The following GPRC5B variants were observed in gnomAD, a reference collection of about 807,000 sequenced individuals.
The protein encoded by GPRC5B is G protein-coupled receptor class C group 5 member B, also known as G protein-coupled receptor family C group 5 member B.
A neutral mutation model predicts 30.1 loss-of-function variants in GPRC5B; 16 were observed. That is an observed-to-expected ratio of 0.53 (90% CI 0.36 to 0.81). The LOEUF (loss-of-function observed/expected upper bound fraction) is 0.81. Among genes scored for constraint, GPRC5B ranks in the 30% least tolerant of loss-of-function variants. The pLI is 0.01. For synonymous variants in GPRC5B, 241 were observed against 239.5 expected (o/e 1.01, Z -0.06); for missense variants, 428 against 544.7 (o/e 0.79, Z 2.13).
intron 1 of GPRC5B, among the ~76,000 whole-genome samples, chr16:19,883,226 A>C (rs764419133): frequency 6.6e-5 from 10 of 151,840 alleles, no homozygotes; most frequent in Non-Finnish European, 1.0e-4. Context: ...AAAGATTCTG[A>C]GTTTATCTTT....
chr16:19,862,413 A>T (rs1002951856), intron 2 of GPRC5B: 1 of 163,824 alleles, frequency 6.1e-6, no homozygotes. Flanking sequence ...GGATGAGAAC[A>T]GGGGGACTCT....
intron 2 of GPRC5B, among the ~76,000 whole-genome samples, chr16:19,866,135 G>A (rs532855662): frequency 5.9e-5 from 9 of 152,028 alleles, no homozygotes; most frequent in Admixed American, 5.2e-4. Context: ...TACCATATTG[G>A]CCAGGCTGGT....
At chr16:19,876,188 C>A (rs1045132430) in intron 1 of GPRC5B, among the ~76,000 whole-genome samples, 8 of 152,242 alleles carry the variant, frequency 5.3e-5, no homozygotes, top group African/African-American at 1.9e-4. Flanking sequence ...ACCCAGTAGG[C>A]CAGTGGTTCC....
At chr16:19,878,826 G>T (rs1231067474) in intron 1 of GPRC5B, among the ~76,000 whole-genome samples, 5 of 152,186 alleles carry the variant, frequency 3.3e-5, no homozygotes, top group Admixed American at 2.6e-4. Flanking sequence ...GAAACTGAGG[G>T]TCTGAGAGGT....
intron 2 of GPRC5B, among the ~76,000 whole-genome samples, chr16:19,862,623 G>A (rs1302054566): frequency 6.6e-6 from 1 of 152,072 alleles, no homozygotes; most frequent in Non-Finnish European, 1.5e-5. Context: ...CAAAAAAAAA[G>A]GGTAGAAGCC....
chr16:19,863,417 T>C (rs2056642156), intron 2 of GPRC5B, among the ~76,000 whole-genome samples: 1 of 151,902 alleles, frequency 6.6e-6, no homozygotes, highest in African/African-American at 2.4e-5. Flanking sequence ...TTGGGGCACT[T>C]TGCTTGGGGC....
chr16:19,870,413 C>T (rs542487980), intron 2 of GPRC5B, among the ~76,000 whole-genome samples: 66 of 152,342 alleles, frequency 4.3e-4, no homozygotes, highest in Middle Eastern at 6.8e-3. Context: ...ACCAAGAGGG[C>T]TTTGTACTCA....
intron 2 of GPRC5B, among the ~76,000 whole-genome samples, chr16:19,864,237 C>T (rs551879326): frequency 2.6e-5 from 4 of 152,338 alleles, no homozygotes; most frequent in South Asian, 4.1e-4. Flanking sequence ...AAAGCCAACT[C>T]GGGGCCTTCT....
At chr16:19,860,626 G>A (rs1209880055) in intron 3 of GPRC5B, 82 bp from the exon 4 acceptor site, 15 of 871,232 alleles carry the variant, frequency 1.7e-5, no homozygotes, top group East Asian at 1.3e-4. Flanking sequence ...TAAACAACGC[G>A]GCAAAAATAA....
chr16:19,872,893 T>G lies in GPRC5B; in HGVS notation c.-1-47A>C. On this transcript the variant is annotated intron_variant, in intron 1 of 3. Transcript: ENST00000300571. The surrounding 1 kb of genome is among the most constrained non-coding windows in gnomAD (Gnocchi z 5.0). ...TGGTTGGGGGGAAGGAAAGATGAAT[T>G]CATTGGAAGACTCCCCCTCTCCTGA... 7.2e-7 allele frequency: 1 copy of G among 1,390,330 alleles called. No homozygotes were observed. Among genetic ancestry groups the G allele is most frequent in the Non-Finnish European group, 1.0e-6 (1 of 993,318 alleles). The allele number at this position is 1,390,330 out of a possible 1,614,324, so 86.1% of individuals were successfully genotyped here.
In GPRC5B at chr16:19,857,530, T is replaced by A. The variant is rs183457842; in HGVS notation, c.*2970A>T. 159 of 403,806 alleles carry A rather than the reference T, an allele frequency of 3.9e-4. No homozygotes were observed. Among genetic ancestry groups the A allele is most frequent in the African/African-American group, 3.3e-3 (153 of 46,702 alleles). 25.0% of individuals were successfully genotyped at this position (403,806 alleles called of 1,614,324 possible). A position where few individuals can be genotyped will look rare whatever the true frequency, so the allele number is the denominator to read the frequency against. ...TAATGCATTTAATAAATATATATTATCTATCAAAAGTGAGCCTTAGCTCTT... is the reference window on the plus strand; with the variant it reads ...TAATGCATTTAATAAATATATATTAACTATCAAAAGTGAGCCTTAGCTCTT... On this transcript the variant is annotated 3_prime_UTR_variant, in exon 4 of 4. Coordinates refer to ENST00000300571, the MANE Select transcript of GPRC5B (RefSeq NM_016235.3).
In GPRC5B at chr16:19,871,951, C is replaced by T; in HGVS notation, c.895G>A (p.Ala299Thr). ...TAGTTGGGCGTGTTCTCCTGCAGGG[C>T]TGGCAGAAGGGTGCAGTGGATCTCA... Reference protein sequence around the residue: ...IPEIHCTLLPALQENTPNYFD... With the variant: ...IPEIHCTLLPTLQENTPNYFD... Residue 299 changes from alanine (A) to threonine (T), a missense_variant, in exon 2 of 4, where the codon GCC (alanine) becomes ACC (threonine). By Grantham distance (58) the Ala-to-Thr change is moderately conservative (BLOSUM62 0). Around this residue, in one of 3 missense-constraint regions of GPRC5B, gnomAD observed 213 missense variants for 229.1 expected, o/e 0.93. Transcript: ENST00000300571. 6.2e-7 allele frequency: 1 copy of T among 1,614,102 alleles called. No individual in the cohort carries two copies. Among genetic ancestry groups the T allele is most frequent in the South Asian group, 1.1e-5 (1 of 91,084 alleles).
upstream of GPRC5B, chr16:19,884,904 A>AGCGGCC (rs1255216021): frequency 1.0e-6 from 1 of 954,186 alleles, no homozygotes; most frequent in African/African-American, 1.8e-5. Flanking sequence ...GCGCTGCTGC[A>AGCGGCC]GCGGCCGCGG....
chr16:19,869,333 C>CA (rs35252104), intron 2 of GPRC5B, among the ~76,000 whole-genome samples: 813 of 61,752 alleles, frequency 0.013, 17 homozygotes, highest in African/African-American at 0.032. Flanking sequence ...GACTCTGCCT[C>CA]AAAAAAAAAA....
chr16:19,885,030 C>A, upstream of GPRC5B: 1 of 621,870 alleles, frequency 1.6e-6, no homozygotes, highest in South Asian at 2.0e-5. The surrounding 1 kb of genome is among the most constrained non-coding windows in gnomAD (Gnocchi z 5.3). Flanking sequence ...CCCCCGGAGC[C>A]CAAGCTCGTA....
At chr16:19,861,418 G>A (rs2056621484) in intron 3 of GPRC5B, among the ~76,000 whole-genome samples, 1 of 152,182 alleles carries the variant, frequency 6.6e-6, no homozygotes, top group Non-Finnish European at 1.5e-5. Context: ...TAGGGAATGG[G>A]AGAACCTGGT....
chr16:19,876,885 C>T (rs1473882498), intron 1 of GPRC5B, among the ~76,000 whole-genome samples: 1 of 152,254 alleles, frequency 6.6e-6, no homozygotes, highest in Admixed American at 6.5e-5. Context: ...TACCTTGCGT[C>T]TGAGCTCCCA....
At chr16:19,860,625 C>T (rs774970596) in intron 3 of GPRC5B, 81 bp from the exon 4 acceptor site, 22 of 878,444 alleles carry the variant, frequency 2.5e-5, no homozygotes, top group Admixed American at 1.0e-4. Context: ...GTAAACAACG[C>T]GGCAAAAATA....
At chr16:19,874,874 T>TTTC (rs1555458784) in intron 1 of GPRC5B, 11 of 148,938 alleles carry the variant, frequency 7.4e-5, no homozygotes, top group Admixed American at 7.4e-4. Flanking sequence ...TTTTTTTTTT[T>TTTC]CTCTAACGGC....
Sources: gnomAD v4.1 joint callset for allele counts (sites outside exome capture counted in the v4.1 genomes callset) on GRCh38, gnomAD v4.1.1 for gene constraint, gnomAD v4.1.1 regional missense constraint, Gnocchi (gnomAD v3.1) non-coding constraint, MANE v1.5 for transcripts, NCBI Gene and HGNC (gene_info 2026-07-23, HGNC 2026-07-21) for gene names.